The following MARCHF1 variants were observed in gnomAD, a reference collection of about 807,000 sequenced individuals.
The protein encoded by MARCHF1 is E3 ubiquitin-protein ligase MARCHF1.
Under a neutral mutation model 54.2 loss-of-function variants are expected in MARCHF1, and 40 were observed. That is an observed-to-expected ratio of 0.74 (90% confidence interval 0.57 to 0.96). The LOEUF is 0.96. Among genes scored for constraint, MARCHF1 ranks in the 40% least tolerant of loss-of-function variants. MARCHF1 has a pLI of 0.00. For missense variants in MARCHF1, 586 were observed against 656.5 expected, an observed-to-expected ratio of 0.89 and a Z score of 1.17; for synonymous variants, 236 against 236.3, an observed-to-expected ratio of 1.00 and a Z score of 0.01.
intron 1 of MARCHF1, among the ~76,000 whole-genome samples, chr4:164,246,272 A>C (rs1415334398): frequency 3.9e-5 from 2 of 50,746 alleles, no homozygotes; most frequent in African/African-American, 1.1e-4. Context: ...AATGGAACAG[A>C]ACAGAGCCCT....
At chr4:163,734,884 T>C (rs914047394) in intron 4 of MARCHF1, among the ~76,000 whole-genome samples, 2 of 152,208 alleles carry the variant, frequency 1.3e-5, no homozygotes, top group African/African-American at 4.8e-5. Flanking sequence ...ATCACTCTTC[T>C]GCTCATTGCC....
chr4:164,083,193 G>T (rs1032502869), intron 2 of MARCHF1, among the ~76,000 whole-genome samples: 1 of 152,180 alleles, frequency 6.6e-6, no homozygotes, highest in South Asian at 2.1e-4. Context: ...GCTCAGATGG[G>T]TAAGAGGTGA....
chr4:163,665,323 G>A (rs903837023), intron 5 of MARCHF1, among the ~76,000 whole-genome samples: 6 of 152,086 alleles, frequency 3.9e-5, no homozygotes, highest in East Asian at 1.9e-4. Flanking sequence ...GAGAGATGCC[G>A]AAAATGCTGC....
intron 1 of MARCHF1, among the ~76,000 whole-genome samples, chr4:164,167,208 A>C (rs1361107308): frequency 7.1e-6 from 1 of 141,616 alleles, no homozygotes; most frequent in Admixed American, 7.2e-5. Flanking sequence ...TCCCTCAAAA[A>C]GCAAACAGTC....
intron 2 of MARCHF1, among the ~76,000 whole-genome samples, chr4:164,054,348 A>G (rs939610830): frequency 3.3e-5 from 5 of 152,006 alleles, no homozygotes; most frequent in African/African-American, 1.2e-4. Flanking sequence ...TAGTTCAACC[A>G]TTGTGCAAGT....
At chr4:163,982,825 A>G (rs6833302) in intron 3 of MARCHF1, among the ~76,000 whole-genome samples, 80,204 of 151,990 alleles carry the variant, frequency 0.53, 22,769 homozygotes, top group Middle Eastern at 0.68. Context: ...CATTAGGAGA[A>G]AGCAAGTTTA....
At chr4:164,332,510 A>C (rs550310485) in intron 1 of MARCHF1, among the ~76,000 whole-genome samples, 196 of 152,276 alleles carry the variant, frequency 1.3e-3, no homozygotes, top group African/African-American at 4.1e-3. Context: ...ACTGTGGAGC[A>C]GGGGAAGATG....
At chr4:164,372,088 T>TC (rs1731052427) in intron 1 of MARCHF1, among the ~76,000 whole-genome samples, 1 of 152,126 alleles carries the variant, frequency 6.6e-6, no homozygotes, top group African/African-American at 2.4e-5. Flanking sequence ...AAAAATAAAT[T>TC]TAAAAAATGA....
At chr4:164,292,645 A>G (rs1278763519) in intron 1 of MARCHF1, among the ~76,000 whole-genome samples, 1 of 152,194 alleles carries the variant, frequency 6.6e-6, no homozygotes, top group African/African-American at 2.4e-5. Flanking sequence ...CTCAACTACC[A>G]CCTGGACAAT....
intron 5 of MARCHF1, among the ~76,000 whole-genome samples, chr4:163,664,867 A>C (rs1743476498): frequency 6.6e-6 from 1 of 152,202 alleles, no homozygotes; most frequent in East Asian, 1.9e-4. Flanking sequence ...AGGGCCTATG[A>C]TATTTTCAAA....
chr4:164,034,068 C>CAGGT (rs1753939711), intron 2 of MARCHF1, among the ~76,000 whole-genome samples: 1 of 110,064 alleles, frequency 9.1e-6, no homozygotes, highest in Non-Finnish European at 2.2e-5. Flanking sequence ...ATGTGATAGA[C>CAGGT]AGATAGATAG....
chr4:163,984,057 T>C (rs1752814809), intron 3 of MARCHF1, among the ~76,000 whole-genome samples: 2 of 151,808 alleles, frequency 1.3e-5, no homozygotes, highest in African/African-American at 4.8e-5. Flanking sequence ...AAAGGAAAAA[T>C]ATATATCACA....
At chr4:163,766,800 C>T (rs1746990208) in intron 4 of MARCHF1, among the ~76,000 whole-genome samples, 2 of 151,930 alleles carry the variant, frequency 1.3e-5, no homozygotes, top group African/African-American at 4.8e-5. Context: ...AAAAGACACC[C>T]TTTGGTATTA....
At chr4:164,350,383 G>T (rs1730248150) in intron 1 of MARCHF1, among the ~76,000 whole-genome samples, 1 of 152,116 alleles carries the variant, frequency 6.6e-6, no homozygotes, top group South Asian at 2.1e-4. Context: ...GGAGAGGTTT[G>T]TTAATGGATA....
chr4:163,633,307 G>A (rs10025486), intron 5 of MARCHF1, among the ~76,000 whole-genome samples: 189 of 152,244 alleles, frequency 1.2e-3, no homozygotes, highest in African/African-American at 4.5e-3. Context: ...TGAGCTATGG[G>A]AGGACATTCA....
At chr4:164,366,819 C>T (rs1380025574) in intron 1 of MARCHF1, among the ~76,000 whole-genome samples, 2 of 151,882 alleles carry the variant, frequency 1.3e-5, no homozygotes, top group South Asian at 2.1e-4. Flanking sequence ...CTGTCACCTA[C>T]ATTTACAGTA....
chr4:164,158,149 A>T (rs1216561294), intron 1 of MARCHF1, among the ~76,000 whole-genome samples: 1 of 152,202 alleles, frequency 6.6e-6, no homozygotes, highest in Non-Finnish European at 1.5e-5. Context: ...ACTTCTGTTT[A>T]ATCAGTGGCA....
At chr4:164,125,020 C>G (rs1417666369) in intron 1 of MARCHF1, among the ~76,000 whole-genome samples, 1 of 151,972 alleles carries the variant, frequency 6.6e-6, no homozygotes, top group Admixed American at 6.6e-5. Flanking sequence ...TATTGCATGC[C>G]TGTATTACAT....
chr4:163,927,691 A>G (rs1234953547), intron 3 of MARCHF1, among the ~76,000 whole-genome samples: 2 of 151,828 alleles, frequency 1.3e-5, no homozygotes, highest in Non-Finnish European at 3.0e-5. Context: ...ATGCTACAGA[A>G]ACTGTCCTCA....
Sources: gnomAD v4.1 joint callset for allele counts (sites outside exome capture counted in the v4.1 genomes callset) on GRCh38, gnomAD v4.1.1 for gene constraint, MANE v1.5 for transcripts, NCBI Gene and HGNC (gene_info 2026-07-23, HGNC 2026-07-21) for gene names.